FBXL20: variants seen among roughly 807,000 people sequenced by gnomAD.
FBXL20 encodes the protein F-box and leucine rich repeat protein 20.
A neutral mutation model predicts 64.0 loss-of-function variants in FBXL20; 11 were observed. The ratio of observed to expected loss-of-function variants is 0.17; its 90% CI spans 0.11 to 0.28. FBXL20 has a LOEUF of 0.28. FBXL20 is among the 10% of genes least tolerant of loss of function. The probability of loss-of-function intolerance (pLI) is 1.00; values close to 1 mark genes in which losing one functional copy is unlikely to be tolerated. For synonymous variants in FBXL20, 184 were observed against 189.0 expected (o/e 0.97, Z 0.22); for missense variants, 303 against 526.2 (o/e 0.58, Z 4.15).
At chr17:39,333,885 G>T (rs1186340310) in intron 2 of FBXL20, among the ~76,000 whole-genome samples, 1 of 151,888 alleles carries the variant, frequency 6.6e-6, no homozygotes, top group African/African-American at 2.4e-5. Flanking sequence ...CCCCGTCTGA[G>T]AAGTGAGGAG....
intron 10 of FBXL20, among the ~76,000 whole-genome samples, chr17:39,272,973 A>AT (rs1379728521): frequency 6.6e-6 from 1 of 152,150 alleles, no homozygotes; most frequent in African/African-American, 2.4e-5. Flanking sequence ...GGCTTCTGAT[A>AT]TTACTAATTT....
At chr17:39,361,910 C>T (rs1027291109) in intron 1 of FBXL20, among the ~76,000 whole-genome samples, 11 of 150,306 alleles carry the variant, frequency 7.3e-5, no homozygotes, top group Non-Finnish European at 1.5e-4. Context: ...CCAGCCTGGG[C>T]AAGATAGCAA....
intron 1 of FBXL20, among the ~76,000 whole-genome samples, chr17:39,363,815 A>C (rs1017581678): frequency 1.6e-4 from 23 of 142,006 alleles, no homozygotes; most frequent in Admixed American, 2.9e-4. Flanking sequence ...TATCTCAAAA[A>C]AAAAAAAAAA....
chr17:39,308,817 A>C (rs996694472), intron 2 of FBXL20, among the ~76,000 whole-genome samples: 3 of 152,018 alleles, frequency 2.0e-5, no homozygotes, highest in African/African-American at 7.2e-5. Flanking sequence ...CACCCGCCTC[A>C]GCCTCCCAAA....
At position 39,379,224 on chromosome 17, in the gene FBXL20, TAAATA is replaced by T. The variant is rs2047999583; in HGVS notation, c.42+22132_42+22136del. On this transcript the variant is annotated intron_variant, in intron 1 of 14. Coordinates refer to ENST00000264658, the MANE Select transcript of FBXL20 (RefSeq NM_032875.3). Reference sequence around the variant, plus strand: ...GAAACTCCGTCTCAAAAAAAATAAATAAATAAAATAAAATAACATAATAATAATAA... The same window carrying T: ...GAAACTCCGTCTCAAAAAAAATAAATAAATAAAATAACATAATAATAATAA... Among the ~76,000 whole-genome samples the T allele has an allele frequency of 2.0e-5, 3 of 149,956 alleles. No individual in the cohort carries two copies. The East Asian group carries it at 5.9e-4, about 30-fold the overall frequency.
rs1386898941 is a variant in FBXL20, at chr17:39,257,896, G to A, written c.*3564C>T. ...AAAATAAGCTGGAGTCAGCTCAATG[G>A]GGCTGATGAAGAGGATGAAAAGACA... On this transcript the variant is annotated 3_prime_UTR_variant, in exon 15 of 15. Transcript: ENST00000264658. The A allele has an allele frequency of 6.5e-6, 1 of 152,980 alleles. No individual in the cohort carries two copies. Among genetic ancestry groups the A allele is most frequent in the Non-Finnish European group, 1.5e-5 (1 of 68,060 alleles). The allele number at this position is 152,980 out of a possible 1,614,324, so 9.5% of individuals were successfully genotyped here. A position where few individuals can be genotyped will look rare whatever the true frequency, so the allele number is the denominator to read the frequency against.
intron 10 of FBXL20, among the ~76,000 whole-genome samples, chr17:39,271,774 T>TA (rs2046846390): frequency 6.6e-6 from 1 of 152,130 alleles, no homozygotes. Context: ...AAGCAACTGT[T>TA]AAACTCCAAT....
chr17:39,395,589 G>A (rs949257644), intron 1 of FBXL20, among the ~76,000 whole-genome samples: 1 of 152,138 alleles, frequency 6.6e-6, no homozygotes, highest in African/African-American at 2.4e-5. Context: ...TTGCTAGAGT[G>A]TTAAAAACAA....
At chr17:39,281,059 C>G (rs1027397851) in intron 9 of FBXL20, among the ~76,000 whole-genome samples, 2 of 152,174 alleles carry the variant, frequency 1.3e-5, no homozygotes, top group Non-Finnish European at 2.9e-5. Flanking sequence ...CCACCGTGCC[C>G]AGCTTGACTG....
chr17:39,381,469 G>A lies in FBXL20; in HGVS notation c.42+19892C>T, dbSNP rs1597831878. Among the ~76,000 whole-genome samples the A allele has an allele frequency of 9.1e-5, 12 of 131,902 alleles. 3 individuals are homozygous for A. The Admixed American group carries it at 1.0e-3, about 11-fold the overall frequency. 86.5% of individuals were successfully genotyped at this position (131,902 alleles called of 152,430 possible). A position where few individuals can be genotyped will look rare whatever the true frequency, so the allele number is the denominator to read the frequency against. On this transcript the variant is annotated intron_variant, in intron 1 of 14. Transcript: ENST00000264658. ...CACTCCAGCCTGGGTAATACAGTGA[G>A]ACTCTGTCTCAAAAAAAAAAAAAAA...
At chr17:39,364,158 G>A (rs1343581827) in intron 1 of FBXL20, among the ~76,000 whole-genome samples, 1 of 152,008 alleles carries the variant, frequency 6.6e-6, no homozygotes, top group Non-Finnish European at 1.5e-5. Context: ...CCAAAGTGCT[G>A]GGATTACAAG....
chr17:39,293,363 A>G (rs2047057762), intron 6 of FBXL20, among the ~76,000 whole-genome samples: 2 of 151,308 alleles, frequency 1.3e-5, no homozygotes, highest in Non-Finnish European at 2.9e-5. Flanking sequence ...CTGAGATTAC[A>G]GACACATGCT....
intron 1 of FBXL20, among the ~76,000 whole-genome samples, chr17:39,387,531 G>A (rs113712497): frequency 9.3e-5 from 14 of 151,196 alleles, no homozygotes; most frequent in Non-Finnish European, 1.6e-4. Context: ...TGGCCGTCTC[G>A]GCCTCCCAAA....
intron 1 of FBXL20, 80 bp from the exon 2 acceptor site, chr17:39,343,321 T>A: frequency 2.0e-6 from 2 of 1,000,914 alleles, no homozygotes; most frequent in Admixed American, 2.7e-5. Flanking sequence ...TAGAGGCAAT[T>A]CTCTCAGGAA....
At chr17:39,353,914 G>A (rs892103449) in intron 1 of FBXL20, among the ~76,000 whole-genome samples, 3 of 151,988 alleles carry the variant, frequency 2.0e-5, no homozygotes, top group Non-Finnish European at 4.4e-5. Context: ...GTGAGCCACC[G>A]CACCCAGCCT....
In FBXL20 at chr17:39,258,125, T is replaced by C. The variant is rs954192720; in HGVS notation, c.*3335A>G. On this transcript the variant is annotated 3_prime_UTR_variant, in exon 15 of 15. Coordinates refer to ENST00000264658, the MANE Select transcript of FBXL20 (RefSeq NM_032875.3). ...CTCTTCTCTCTGTTCACTGTTTTTT[T>C]CCATTATAAAAGGCATATTTTGGAG... The C allele has an allele frequency of 1.3e-5, 2 of 152,166 alleles. No homozygotes were observed. Among genetic ancestry groups the C allele is most frequent in the Non-Finnish European group, 2.9e-5 (2 of 68,040 alleles). The allele number at this position is 152,166 out of a possible 1,614,324, so 9.4% of individuals were successfully genotyped here.
At chr17:39,364,601 C>A (rs985655335) in intron 1 of FBXL20, among the ~76,000 whole-genome samples, 1 of 152,134 alleles carries the variant, frequency 6.6e-6, no homozygotes, top group African/African-American at 2.4e-5. Context: ...CAGAACAAGA[C>A]CCTGTCTCAA....
intron 1 of FBXL20, among the ~76,000 whole-genome samples, chr17:39,390,518 G>A (rs1454274720): frequency 3.3e-5 from 5 of 151,332 alleles, no homozygotes; most frequent in South Asian, 4.2e-4. Context: ...CTGAGATGGC[G>A]CCACTGCACT....
At chr17:39,325,072 G>A (rs2047397842) in intron 2 of FBXL20, among the ~76,000 whole-genome samples, 1 of 152,170 alleles carries the variant, frequency 6.6e-6, no homozygotes. Flanking sequence ...GCCGGGCGTG[G>A]TGGCAGGCAC....
Sources: gnomAD v4.1 joint callset for allele counts (sites outside exome capture counted in the v4.1 genomes callset) on GRCh38, gnomAD v4.1.1 for gene constraint, MANE v1.5 for transcripts, NCBI Gene and HGNC (gene_info 2026-07-23, HGNC 2026-07-21) for gene names.